UGT1A5: variants seen among roughly 807,000 people sequenced by gnomAD.
UGT1A5 encodes the protein UDP glucuronosyltransferase family 1 member A5.
UGT1A5 carries 29 observed loss-of-function variants against 40.3 expected under a neutral mutation model. That is an observed-to-expected ratio of 0.72 (90% confidence interval 0.54 to 0.98). The LOEUF (loss-of-function observed/expected upper bound fraction) is 0.98, where lower values mean the gene tolerates loss of function less well. UGT1A5 is among the 50% of genes least tolerant of loss of function. The pLI, the probability that UGT1A5 is intolerant of heterozygous loss-of-function variation, is 0.00. For synonymous variants in UGT1A5, 257 were observed against 262.5 expected (o/e 0.98, Z 0.20); for missense variants, 678 against 677.9 (o/e 1.00, Z 0.00).
intron 1 of UGT1A5, chr2:233,743,522 T>C: frequency 7.3e-7 from 1 of 1,367,282 alleles, no homozygotes; most frequent in Non-Finnish European, 9.8e-7. Flanking sequence ...CTGCTTCTGC[T>C]TCCCCAGCAG....
intron 1 of UGT1A5, among the ~76,000 whole-genome samples, 196 bp from the exon 2 acceptor site, chr2:233,766,838 C>CCCTTCCTCCTTTAGAAG (rs1182719018): frequency 3.9e-5 from 6 of 152,156 alleles, no homozygotes; most frequent in African/African-American, 1.2e-4. Context: ...TAAGCAGGAA[C>CCCTTCCTCCTTTAGAAG]CCTTCCTCCT....
At chr2:233,724,520 T>A (rs200973045) in intron 1 of UGT1A5, among the ~76,000 whole-genome samples, 1 of 103,540 alleles carries the variant, frequency 9.7e-6, no homozygotes, top group African/African-American at 4.1e-5. Flanking sequence ...ACCTCCCAGA[T>A]GGGGTCTCGC....
intron 1 of UGT1A5, chr2:233,753,549 G>A (rs917906556): frequency 6.6e-6 from 1 of 152,150 alleles, no homozygotes; most frequent in Admixed American, 6.5e-5. Flanking sequence ...TTCCTCAGAG[G>A]TGACCCTAGA....
chr2:233,761,002 C>G, intron 1 of UGT1A5: 3 of 1,614,176 alleles, frequency 1.9e-6, no homozygotes, highest in Non-Finnish European at 2.5e-6. Flanking sequence ...AGAATTCCTT[C>G]AGAGAGAGGT....
intron 1 of UGT1A5, chr2:233,747,987 G>A: frequency 6.2e-7 from 1 of 1,613,454 alleles, no homozygotes; most frequent in Non-Finnish European, 8.5e-7. Context: ...GCTGTTCCGA[G>A]GGGACTTTGT....
intron 1 of UGT1A5, among the ~76,000 whole-genome samples, chr2:233,737,983 G>A (rs936193524): frequency 6.6e-6 from 1 of 151,932 alleles, no homozygotes; most frequent in African/African-American, 2.4e-5. Flanking sequence ...ATATGGTTTG[G>A]CTCTGTGTCC....
rs2077866341 is a variant in UGT1A5 at position 233,729,479 on chromosome 2, A to T, written c.867+15621A>T. 5 of 1,614,240 alleles carry T rather than the reference A, an allele frequency of 3.1e-6. No homozygotes were observed. The East Asian group carries it at 1.1e-4, about 36-fold the overall frequency. On this transcript the variant is annotated intron_variant, in intron 1 of 4. Coordinates refer to ENST00000373414, the MANE Select transcript of UGT1A5 (RefSeq NM_019078.2). ...TTTTTCAGAAGTATGGCAATGTTGA[A>T]CAATATGTCTTTGGTCTATCATAGG...
chr2:233,767,172 A>G lies in UGT1A5; in HGVS notation c.999+7A>G, dbSNP rs375883067. On this transcript the variant is annotated splice_region_variant and intron_variant, in intron 2 of 4. Coordinates refer to ENST00000373414, the MANE Select transcript of UGT1A5 (RefSeq NM_019078.2). The stretch of plus-strand genomic sequence containing the variant: ...GGGCAAAATCCCTCAGACAGTAAGA[A>G]GATTCTATACCATGGCCTCATATCT... The G allele has an allele frequency of 1.2e-6, 2 of 1,614,098 alleles. No individual in the cohort carries two copies. The highest frequency in any genetic ancestry group is 3.3e-5 in the Admixed American group (2 of 60,024).
At position 233,769,732 on chromosome 2, in the gene UGT1A5, G is replaced by A; in HGVS notation, c.1307+1293G>A. The A allele has an allele frequency of 2.7e-6, 4 of 1,465,694 alleles. No homozygotes were observed. Among genetic ancestry groups the A allele is most frequent in the South Asian group, 2.9e-5 (2 of 70,094 alleles). 90.8% of individuals were successfully genotyped at this position (1,465,694 alleles called of 1,614,324 possible). ...TGGCTAGGCACCATGGCACACGCCT[G>A]TAGTCCCAGCCACTCTGGAGGCTAA... On this transcript the variant is annotated intron_variant, in intron 4 of 4. Coordinates refer to ENST00000373414, the MANE Select transcript of UGT1A5 (RefSeq NM_019078.2). This position sits in a 1 kb window ranked among gnomAD's most constrained non-coding sequence, Gnocchi z 4.4.
At chr2:233,721,760 T>C in intron 1 of UGT1A5, 1 of 468,990 alleles carries the variant, frequency 2.1e-6, no homozygotes, top group South Asian at 1.6e-5. Context: ...ACATCTAAAT[T>C]GTTATATTTA....
At chr2:233,721,896 G>T in intron 1 of UGT1A5, 1 of 474,320 alleles carries the variant, frequency 2.1e-6, no homozygotes, top group South Asian at 1.5e-5. Flanking sequence ...TTGCAATATC[G>T]AAATGGTGCA....
chr2:233,742,187 T>C (rs1222012663), intron 1 of UGT1A5, among the ~76,000 whole-genome samples: 1 of 151,602 alleles, frequency 6.6e-6, no homozygotes, highest in East Asian at 1.9e-4. Context: ...GAGTGTGGAG[T>C]GGGAAATCAG....
In UGT1A5 at chr2:233,767,872, C is replaced by A. The variant is rs997427896; in HGVS notation, c.1023C>A (p.Thr341=). The A allele has an allele frequency of 6.2e-7, 1 of 1,614,024 alleles. No individual in the cohort carries two copies. The highest frequency in any genetic ancestry group is 8.5e-7 in the Non-Finnish European group (1 of 1,180,044). The change falls in exon 3 of 5, where the codon ACC becomes ACA. Residue 341 remains threonine (T), a synonymous_variant. Coordinates refer to ENST00000373414, the MANE Select transcript of UGT1A5 (RefSeq NM_019078.2). ...PQTVLWRYTG[T]RPSNLANNTI... is the part of the protein sequence containing the mutation. Reference sequence around the variant, plus strand: ...AGGTCCTGTGGCGGTACACTGGAACCCGACCATCGAATCTTGCGAACAACA... The same window carrying A: ...AGGTCCTGTGGCGGTACACTGGAACACGACCATCGAATCTTGCGAACAACA...
chr2:233,729,723 A>C (rs563184062), intron 1 of UGT1A5: 21 of 1,613,942 alleles, frequency 1.3e-5, no homozygotes, highest in Non-Finnish European at 1.7e-5. Flanking sequence ...GATTACTAAC[A>C]ACCAATTCAG....
chr2:233,728,342 G>A (rs1241528398), intron 1 of UGT1A5, among the ~76,000 whole-genome samples: 1 of 152,172 alleles, frequency 6.6e-6, no homozygotes, highest in Non-Finnish European at 1.5e-5. Flanking sequence ...CCAGTCCCTT[G>A]GTGAGCAGGA....
intron 1 of UGT1A5, among the ~76,000 whole-genome samples, chr2:233,733,272 C>A (rs1167854143): frequency 6.6e-6 from 1 of 152,152 alleles, no homozygotes; most frequent in African/African-American, 2.4e-5. Context: ...TATTTGACTT[C>A]CTCTTTTCCT....
chr2:233,759,382 A>C (rs1049531519), intron 1 of UGT1A5, among the ~76,000 whole-genome samples: 4 of 152,150 alleles, frequency 2.6e-5, no homozygotes, highest in Non-Finnish European at 2.9e-5. Context: ...GGTTTTCAGG[A>C]TACTCAGAGT....
chr2:233,748,022 G>A, intron 1 of UGT1A5: 2 of 1,613,526 alleles, frequency 1.2e-6, no homozygotes, highest in South Asian at 2.2e-5. Flanking sequence ...GGCCGATCAT[G>A]CCCAACATGG....
chr2:233,733,516 A>G (rs1473701197), intron 1 of UGT1A5, among the ~76,000 whole-genome samples: 1 of 152,232 alleles, frequency 6.6e-6, no homozygotes, highest in East Asian at 1.9e-4. Context: ...TTTAGGCATG[A>G]AGGGATGTTT....
Sources: allele counts gnomAD v4.1 joint callset (sites outside exome capture counted in the v4.1 genomes callset), GRCh38; gene constraint gnomAD v4.1.1; non-coding constraint Gnocchi (gnomAD v3.1); transcripts MANE v1.5; gene names NCBI Gene and HGNC (gene_info 2026-07-23, HGNC 2026-07-21).